The following EAF1 variants were observed in gnomAD, a reference collection of about 807,000 sequenced individuals.
EAF1 encodes the protein ELL-associated factor 1.
A neutral mutation model predicts 26.6 loss-of-function variants in EAF1; 19 were observed. The ratio of observed to expected loss-of-function variants is 0.71; its 90% CI spans 0.50 to 1.05. The LOEUF (loss-of-function observed/expected upper bound fraction) is 1.05, where lower values mean the gene tolerates loss of function less well. Ranked by LOEUF, EAF1 falls within the 50% of genes least tolerant of loss-of-function variation. The probability of loss-of-function intolerance (pLI) is 0.00; values close to 1 mark genes in which losing one functional copy is unlikely to be tolerated. For synonymous variants in EAF1, 102 were observed against 120.6 expected (o/e 0.85, Z 1.01); for missense variants, 260 against 335.5 (o/e 0.78, Z 1.76).
At position 15,439,280 on chromosome 3, in the gene EAF1, T is replaced by C; in HGVS notation, c.*125T>C. ...AGTGACTGTAGTAGGAGTTTGAGGC[T>C]CTGGAACTCTCACATATTCAAGTCT... On this transcript the variant is annotated 3_prime_UTR_variant, in exon 6 of 6. Coordinates refer to ENST00000396842, the MANE Select transcript of EAF1 (RefSeq NM_033083.7). 6 of 819,724 alleles carry C rather than the reference T, an allele frequency of 7.3e-6. No individual in the cohort carries two copies. Among genetic ancestry groups the C allele is most frequent in the Non-Finnish European group, 9.5e-6 (5 of 527,104 alleles). 50.8% of individuals were successfully genotyped at this position (819,724 alleles called of 1,614,324 possible).
intron 5 of EAF1, chr3:15,438,784 C>T (rs1333661177): frequency 1.1e-5 from 2 of 184,000 alleles, no homozygotes; most frequent in Non-Finnish European, 2.3e-5. Flanking sequence ...CTTGGCCTCC[C>T]AAAGTGTTGG....
chr3:15,433,631 G>A (rs1362323065), intron 3 of EAF1, among the ~76,000 whole-genome samples: 1 of 152,244 alleles, frequency 6.6e-6, no homozygotes, highest in African/African-American at 2.4e-5. Context: ...CTGCCAGCAA[G>A]AGCTGGCATG....
chr3:15,438,852 T>C, intron 5 of EAF1: 2 of 359,788 alleles, frequency 5.6e-6, no homozygotes, highest in South Asian at 4.9e-5. Flanking sequence ...TTGCTATTTA[T>C]TAAACCATTT....
chr3:15,439,355 C>T lies in EAF1; in HGVS notation c.*200C>T, dbSNP rs2061853399. 2.1e-6 allele frequency: 1 copy of T among 476,662 alleles called. No individual in the cohort carries two copies. The highest frequency in any genetic ancestry group is 4.5e-5 in the South Asian group (1 of 22,278). 29.5% of individuals were successfully genotyped at this position (476,662 alleles called of 1,614,324 possible). On this transcript the variant is annotated 3_prime_UTR_variant, in exon 6 of 6. Coordinates refer to ENST00000396842, the MANE Select transcript of EAF1 (RefSeq NM_033083.7). ...TTCTCGTGTCATTTTTGAACAATCT[C>T]ATCTTTCAAAGTTTAAGTAGACCTG...
At chr3:15,430,093 T>C in intron 2 of EAF1, 86 bp downstream of exon 2, 6 of 1,051,372 alleles carry the variant, frequency 5.7e-6, no homozygotes, top group Non-Finnish European at 8.2e-6. Flanking sequence ...TTCCTACTTT[T>C]AAAAATGTTT....
intron 2 of EAF1, among the ~76,000 whole-genome samples, chr3:15,431,734 A>G (rs2061803297): frequency 6.6e-6 from 1 of 152,212 alleles, no homozygotes; most frequent in Admixed American, 6.5e-5. Context: ...GGTCTCTCTA[A>G]TGACAAAGAA....
intron 1 of EAF1, among the ~76,000 whole-genome samples, chr3:15,428,417 G>T (rs2061772000): frequency 6.6e-6 from 1 of 152,160 alleles, no homozygotes; most frequent in Non-Finnish European, 1.5e-5. Context: ...TACAGCCAAA[G>T]AATTGGCATC....
Position 15,427,888 on chromosome 3 carries a change from T to G in EAF1, c.103+6T>G. ...CTCCTTCCACACTATTCGTTGTAAG[T>G]CAGCGCTCCCCACGGTTCCCTTCGG... is the stretch of plus-strand genomic sequence containing the variant. On this transcript the variant is annotated splice_donor_region_variant and intron_variant, in intron 1 of 5. Coordinates refer to ENST00000396842, the MANE Select transcript of EAF1 (RefSeq NM_033083.7). 1 of 1,539,550 alleles carries G rather than the reference T, an allele frequency of 6.5e-7. No individual in the cohort carries two copies. The highest frequency in any genetic ancestry group is 8.8e-7 in the Non-Finnish European group (1 of 1,139,672).
chr3:15,437,331 T>C (rs1484106985), intron 5 of EAF1, among the ~76,000 whole-genome samples: 5 of 151,322 alleles, frequency 3.3e-5, no homozygotes, highest in African/African-American at 7.3e-5. Flanking sequence ...TTTTTTTTTT[T>C]TGGTAGAGAC....
intron 3 of EAF1, among the ~76,000 whole-genome samples, chr3:15,432,932 T>C (rs1434320407): frequency 6.6e-6 from 1 of 152,138 alleles, no homozygotes; most frequent in Non-Finnish European, 1.5e-5. Flanking sequence ...CCTGATGTTT[T>C]TTATGCTTCG....
rs1181368169 is a variant in EAF1 at position 15,440,502 on chromosome 3, G to C, written c.*1347G>C. 1 of 152,170 alleles carries C rather than the reference G, an allele frequency of 6.6e-6. No homozygotes were observed. The highest frequency in any genetic ancestry group is 1.9e-4 in the East Asian group (1 of 5,198). 9.4% of individuals were successfully genotyped at this position (152,170 alleles called of 1,614,324 possible). On this transcript the variant is annotated 3_prime_UTR_variant, in exon 6 of 6. Coordinates refer to ENST00000396842, the MANE Select transcript of EAF1 (RefSeq NM_033083.7). Reference sequence around the variant, plus strand: ...TCCACTTTGGTTCAGCGGACATCAAGGTAGTAATAATAATTTTTCCTCCAC... The same window carrying C: ...TCCACTTTGGTTCAGCGGACATCAACGTAGTAATAATAATTTTTCCTCCAC...
rs1316841592 is a variant in EAF1 at position 15,442,471 on chromosome 3, CT to C, written c.*3318del. 6.6e-6 allele frequency: 1 copy of C among 152,456 alleles called. No individual in the cohort carries two copies. The highest frequency in any genetic ancestry group is 2.4e-5 in the African/African-American group (1 of 41,302). The allele number at this position is 152,456 out of a possible 1,614,324, so 9.4% of individuals were successfully genotyped here. A position where few individuals can be genotyped will look rare whatever the true frequency, so the allele number is the denominator to read the frequency against. ...TTGTCTCATTCTTTATTTTTAAAAT[CT>C]TGTGCCTAAAAGTTTTTTTGCTTAA... On this transcript the variant is annotated 3_prime_UTR_variant, in exon 6 of 6. Coordinates refer to ENST00000396842, the MANE Select transcript of EAF1 (RefSeq NM_033083.7).
intron 4 of EAF1, among the ~76,000 whole-genome samples, chr3:15,435,528 G>A (rs144684921): frequency 7.9e-5 from 12 of 151,900 alleles, no homozygotes; most frequent in African/African-American, 2.7e-4. Flanking sequence ...TTTTCACTTA[G>A]GTTGAATAGG....
chr3:15,427,692 C>T lies in EAF1; in HGVS notation c.-88C>T, dbSNP rs1476681497. The T allele has an allele frequency of 1.4e-5, 20 of 1,382,164 alleles. No homozygotes were observed. The South Asian group carries it at 2.0e-4, about 14-fold the overall frequency. The allele number at this position is 1,382,164 out of a possible 1,614,324, so 85.6% of individuals were successfully genotyped here. On this transcript the variant is annotated 5_prime_UTR_variant, in exon 1 of 6. Transcript: ENST00000396842. ...GTCTTCCAGAGCGGTGGCCCGGAAG[C>T]ACAGTCCTCCCAGACGCCAGCGCCA... is the stretch of plus-strand genomic sequence containing the variant.
intron 2 of EAF1, among the ~76,000 whole-genome samples, chr3:15,430,871 C>T (rs2061798412): frequency 6.6e-6 from 1 of 152,146 alleles, no homozygotes; most frequent in African/African-American, 2.4e-5. Flanking sequence ...TGTCCTGGAA[C>T]ATAAGTTCTC....
intron 1 of EAF1, among the ~76,000 whole-genome samples, chr3:15,428,690 G>C (rs1169668443): frequency 1.3e-5 from 2 of 152,208 alleles, no homozygotes; most frequent in Middle Eastern, 3.2e-3. Context: ...TGTTGAGAGA[G>C]TGCACTTCCA....
intron 1 of EAF1, 39 bp from the exon 2 acceptor site, chr3:15,429,874 T>C: frequency 7.3e-7 from 1 of 1,365,626 alleles, no homozygotes; most frequent in Non-Finnish European, 1.0e-6. Context: ...TTATTATAAG[T>C]AACCTGGTGG....
chr3:15,431,371 GA>G (rs1436139080), intron 2 of EAF1, among the ~76,000 whole-genome samples: 4 of 152,232 alleles, frequency 2.6e-5, no homozygotes, highest in Non-Finnish European at 5.9e-5. Flanking sequence ...CATTTAAAGA[GA>G]GGGGGCAGGA....
chr3:15,430,813 G>T (rs930173682), intron 2 of EAF1, among the ~76,000 whole-genome samples: 21 of 152,258 alleles, frequency 1.4e-4, no homozygotes, highest in African/African-American at 4.3e-4. Flanking sequence ...AGCACCAAAG[G>T]GTCACATGAT....
Sources: allele counts gnomAD v4.1 joint callset (sites outside exome capture counted in the v4.1 genomes callset), GRCh38; gene constraint gnomAD v4.1.1; transcripts MANE v1.5; gene names NCBI Gene and HGNC (gene_info 2026-07-23, HGNC 2026-07-21).